CCBE1: variants seen among roughly 807,000 people sequenced by gnomAD.
The protein encoded by CCBE1 is collagen and calcium binding EGF domains 1, also known as collagen and calcium-binding EGF domain-containing protein 1.
CCBE1 carries 37 observed loss-of-function variants against 50.0 expected under a neutral mutation model. The observed-to-expected ratio is 0.74, with a 90% CI of 0.57 to 0.97. CCBE1 has a LOEUF of 0.97. Among genes scored for constraint, CCBE1 ranks in the 50% least tolerant of loss-of-function variants. The pLI, the probability that CCBE1 is intolerant of heterozygous loss-of-function variation, is 0.00. For missense variants in CCBE1, 538 were observed against 523.8 expected (o/e 1.03, Z -0.26); for synonymous variants, 234 against 203.7 (o/e 1.15, Z -1.27).
intron 2 of CCBE1, among the ~76,000 whole-genome samples, chr18:59,498,074 G>T (rs139617539): frequency 1.8e-4 from 27 of 152,324 alleles, no homozygotes; most frequent in East Asian, 3.9e-4. Flanking sequence ...CATGAGGGAG[G>T]CACCACGCCT....
chr18:59,492,966 C>T (rs1598949115), intron 2 of CCBE1, among the ~76,000 whole-genome samples: 1 of 152,192 alleles, frequency 6.6e-6, no homozygotes, highest in East Asian at 1.9e-4. Context: ...GGGCTGTGAT[C>T]CTTCCTCCCA....
intron 2 of CCBE1, among the ~76,000 whole-genome samples, chr18:59,503,478 G>A (rs1362893403): frequency 6.6e-6 from 1 of 152,166 alleles, no homozygotes; most frequent in East Asian, 1.9e-4. Flanking sequence ...CTTACTCCAA[G>A]CCTGGGTTCC....
At chr18:59,533,292 C>T (rs766184985) in intron 2 of CCBE1, among the ~76,000 whole-genome samples, 3 of 152,168 alleles carry the variant, frequency 2.0e-5, no homozygotes, top group Non-Finnish European at 2.9e-5. Context: ...TTTTCCATCA[C>T]TCCCGATTAT....
chr18:59,592,652 C>T (rs1179773843), intron 2 of CCBE1, among the ~76,000 whole-genome samples: 1 of 152,150 alleles, frequency 6.6e-6, no homozygotes, highest in African/African-American at 2.4e-5. Flanking sequence ...GATACGTCTA[C>T]TTATGTTTAC....
chr18:59,631,716 A>G (rs940997646), intron 2 of CCBE1, among the ~76,000 whole-genome samples: 3 of 152,074 alleles, frequency 2.0e-5, no homozygotes, highest in African/African-American at 7.2e-5. Flanking sequence ...AATAACACCA[A>G]CTTAAGAAGC....
chr18:59,622,200 T>A (rs539327493), intron 2 of CCBE1, among the ~76,000 whole-genome samples: 1 of 152,310 alleles, frequency 6.6e-6, no homozygotes, highest in South Asian at 2.1e-4. Flanking sequence ...AGGGCCAACA[T>A]GAGGCTGCCC....
At chr18:59,542,976 G>C (rs1915526835) in intron 2 of CCBE1, among the ~76,000 whole-genome samples, 1 of 152,168 alleles carries the variant, frequency 6.6e-6, no homozygotes, top group African/African-American at 2.4e-5. Flanking sequence ...AGGCCACCCA[G>C]AAAGTTGCCT....
intron 2 of CCBE1, among the ~76,000 whole-genome samples, chr18:59,510,246 T>G (rs979999778): frequency 6.6e-6 from 1 of 152,220 alleles, no homozygotes. Context: ...TATTTCACTG[T>G]GTGCATGAGT....
intron 2 of CCBE1, among the ~76,000 whole-genome samples, chr18:59,556,198 T>G (rs2144431290): frequency 6.6e-6 from 1 of 152,262 alleles, no homozygotes; most frequent in Middle Eastern, 3.4e-3. Flanking sequence ...TGGGCTGCTT[T>G]GGGAAATGCA....
rs1260033005 is a variant in CCBE1, at chr18:59,466,741, G to A, written c.551C>T (p.Thr184Ile). The change falls in exon 5 of 11, where the codon ACT (threonine) becomes ATT (isoleucine). Residue 184 changes from threonine (T) to isoleucine (I), a missense_variant and splice_region_variant. Coordinates refer to ENST00000439986, the MANE Select transcript of CCBE1 (RefSeq NM_133459.4). ...CTRGDKYPND[T>I]GHEKSENMVK... Reference sequence around the variant, plus strand: ...ATATTTAGACTTGCCCTACTTACCAGTGTCATTGGGATATTTGTCTCCCCT... The same window carrying A: ...ATATTTAGACTTGCCCTACTTACCAATGTCATTGGGATATTTGTCTCCCCT... 3 of 1,611,972 alleles carry A rather than the reference G, an allele frequency of 1.9e-6. 1 individual carries two copies. In the South Asian group the frequency reaches 3.3e-5, roughly 18 times the overall value.
intron 2 of CCBE1, among the ~76,000 whole-genome samples, chr18:59,496,982 T>C (rs1193767736): frequency 6.6e-6 from 1 of 152,234 alleles, no homozygotes; most frequent in African/African-American, 2.4e-5. Context: ...AAATTATATA[T>C]GAGCTTACAT....
intron 2 of CCBE1, among the ~76,000 whole-genome samples, chr18:59,507,341 C>T (rs1350195679): frequency 6.6e-6 from 1 of 152,206 alleles, no homozygotes; most frequent in Non-Finnish European, 1.5e-5. Flanking sequence ...GAGGTCACAT[C>T]CCATCCATGC....
chr18:59,570,052 C>T (rs1167509970), intron 2 of CCBE1, among the ~76,000 whole-genome samples: 2 of 152,234 alleles, frequency 1.3e-5, no homozygotes, highest in Non-Finnish European at 2.9e-5. Flanking sequence ...TGTTACTCTT[C>T]ATTTGCCTGT....
chr18:59,650,841 C>T lies in CCBE1; in HGVS notation c.212+45788G>A, dbSNP rs567389539. ...TGAAGTTGGAAATAGGCTTAGTCCTCGGTGGCCAAGCAGAAGCAGGAACAG... is the reference window on the plus strand; with the variant it reads ...TGAAGTTGGAAATAGGCTTAGTCCTTGGTGGCCAAGCAGAAGCAGGAACAG... On this transcript the variant is annotated intron_variant, in intron 2 of 10. Coordinates refer to ENST00000439986, the MANE Select transcript of CCBE1 (RefSeq NM_133459.4). Among the ~76,000 whole-genome samples the T allele has an allele frequency of 7.9e-5, 12 of 151,530 alleles. No individual in the cohort carries two copies. The East Asian group carries it at 1.6e-3, about 20-fold the overall frequency.
At chr18:59,675,184 G>A (rs1386583768) in intron 2 of CCBE1, among the ~76,000 whole-genome samples, 1 of 152,164 alleles carries the variant, frequency 6.6e-6, no homozygotes, top group Non-Finnish European at 1.5e-5. Context: ...TTGTTCCTAT[G>A]AGCAGTTCTA....
chr18:59,612,915 C>T (rs149529038), intron 2 of CCBE1, among the ~76,000 whole-genome samples: 1 of 148,012 alleles, frequency 6.8e-6, no homozygotes, highest in Non-Finnish European at 1.5e-5. Context: ...AAAAGAATTC[C>T]TAGTCTGCTT....
intron 9 of CCBE1, among the ~76,000 whole-genome samples, chr18:59,439,191 G>T (rs1910298456): frequency 6.6e-6 from 1 of 152,226 alleles, no homozygotes; most frequent in Non-Finnish European, 1.5e-5. Flanking sequence ...GGAGGCTGAG[G>T]CAGGAGAATG....
At chr18:59,680,650 AT>A (rs1460650987) in intron 2 of CCBE1, among the ~76,000 whole-genome samples, 1 of 151,336 alleles carries the variant, frequency 6.6e-6, no homozygotes, top group Non-Finnish European at 1.5e-5. Context: ...GTGAGCCGAG[AT>A]TGCTGCCACT....
At chr18:59,553,398 G>A (rs1207808421) in intron 2 of CCBE1, among the ~76,000 whole-genome samples, 1 of 152,168 alleles carries the variant, frequency 6.6e-6, no homozygotes, top group African/African-American at 2.4e-5. Context: ...CACAACCAAA[G>A]ATTGCTACAC....
Sources: gnomAD v4.1 joint callset for allele counts (sites outside exome capture counted in the v4.1 genomes callset) on GRCh38, gnomAD v4.1.1 for gene constraint, MANE v1.5 for transcripts, NCBI Gene and HGNC (gene_info 2026-07-23, HGNC 2026-07-21) for gene names.